TENM1: variants seen among roughly 807,000 people sequenced by gnomAD.
TENM1 encodes the protein teneurin transmembrane protein 1, also known as teneurin-1.
A neutral mutation model predicts 174.8 loss-of-function variants in TENM1; 35 were observed. The observed-to-expected ratio is 0.20, with a 90% CI of 0.15 to 0.27. The LOEUF (loss-of-function observed/expected upper bound fraction) is 0.27, where lower values mean the gene tolerates loss of function less well. TENM1 is among the 10% of genes least tolerant of loss of function. The pLI is 1.00. For synonymous variants in TENM1, 781 were observed against 798.7 expected, an observed-to-expected ratio of 0.98 and a Z score of 0.37; for missense variants, 1,633 against 2,130.1, an observed-to-expected ratio of 0.77 and a Z score of 4.59.
chrX:124,532,748 T>G (rs1394914636), intron 15 of TENM1, among the ~76,000 whole-genome samples: 1 of 112,069 alleles, frequency 8.9e-6, no homozygotes, highest in African/African-American at 3.2e-5. Flanking sequence ...AAACTTATAT[T>G]CTACATTTAT....
chrX:125,150,187 T>C, the TENM1 span, among the ~76,000 whole-genome samples: 1 of 111,942 alleles, frequency 8.9e-6, no homozygotes, highest in East Asian at 2.8e-4. Context: ...ACTTTTCACA[T>C]TTCATACATG....
intron 3 of TENM1, among the ~76,000 whole-genome samples, chrX:124,827,647 T>C (rs934319386): frequency 6.3e-5 from 7 of 111,523 alleles, no homozygotes; most frequent in Admixed American, 1.9e-4. Flanking sequence ...TTTTTTTATA[T>C]GGAGGAAGCC....
At chrX:124,909,725 C>T (rs754669449) in intron 1 of TENM1, among the ~76,000 whole-genome samples, 134 of 112,129 alleles carry the variant, frequency 1.2e-3, no homozygotes, top group African/African-American at 3.7e-3. Context: ...TGTCTGCAGG[C>T]GGACAAATAA....
the TENM1 span, among the ~76,000 whole-genome samples, chrX:125,151,760 T>A: frequency 9.0e-6 from 1 of 111,496 alleles, no homozygotes; most frequent in African/African-American, 3.3e-5. Flanking sequence ...TTTTTGATTG[T>A]CACAACTTGG....
At chrX:125,170,594 G>A in the TENM1 span, among the ~76,000 whole-genome samples, 1 of 111,233 alleles carries the variant, frequency 9.0e-6, no homozygotes, top group Non-Finnish European at 1.9e-5. Flanking sequence ...AGTTGAAGAA[G>A]TTGATTCTGA....
intron 11 of TENM1, among the ~76,000 whole-genome samples, chrX:124,571,956 G>GAT (rs1334038569): frequency 9.5e-6 from 1 of 105,290 alleles, no homozygotes; most frequent in East Asian, 2.8e-4. Flanking sequence ...AGGAGAAAAT[G>GAT]ATTTTTTTTT....
the TENM1 span, among the ~76,000 whole-genome samples, chrX:125,021,079 C>T: frequency 9.2e-6 from 1 of 108,408 alleles, no homozygotes; most frequent in Non-Finnish European, 1.9e-5. Context: ...CTGGTTGATG[C>T]TATGAAAATT....
At chrX:124,486,783 T>A (rs1184555366) in intron 21 of TENM1, among the ~76,000 whole-genome samples, 1 of 111,913 alleles carries the variant, frequency 8.9e-6, no homozygotes, top group African/African-American at 3.2e-5. Context: ...AAGAAGGTCA[T>A]CATGGTCACT....
At chrX:124,471,503 T>C (rs1310114816) in intron 22 of TENM1, among the ~76,000 whole-genome samples, 1 of 69,968 alleles carries the variant, frequency 1.4e-5, no homozygotes, top group Non-Finnish European at 2.4e-5. Context: ...TTATATAATA[T>C]ATAATATATA....
At chrX:124,484,483 T>C (rs2046911837) in intron 21 of TENM1, among the ~76,000 whole-genome samples, 1 of 111,981 alleles carries the variant, frequency 8.9e-6, no homozygotes, top group Non-Finnish European at 1.9e-5. Flanking sequence ...GGGAGCTTTA[T>C]CTCGTCTCCA....
At chrX:124,787,511 T>C (rs977638259) in intron 3 of TENM1, among the ~76,000 whole-genome samples, 1 of 111,377 alleles carries the variant, frequency 9.0e-6, no homozygotes, top group South Asian at 3.7e-4. Flanking sequence ...CCATTGCTTA[T>C]GGTATCAGAA....
At chrX:124,924,633 A>T (rs990038688) in intron 1 of TENM1, among the ~76,000 whole-genome samples, 1 of 112,082 alleles carries the variant, frequency 8.9e-6, no homozygotes, top group African/African-American at 3.2e-5. Context: ...ACCAATGAAC[A>T]ATTTCATAGT....
intron 1 of TENM1, among the ~76,000 whole-genome samples, chrX:124,944,467 A>T (rs749239396): frequency 1.8e-5 from 2 of 111,745 alleles, no homozygotes; most frequent in African/African-American, 6.5e-5. Flanking sequence ...CATCTAAAAT[A>T]TACCATTCTC....
At chrX:125,003,754 T>C in the TENM1 span, among the ~76,000 whole-genome samples, 1 of 111,862 alleles carries the variant, frequency 8.9e-6, no homozygotes, top group Non-Finnish European at 1.9e-5. Context: ...GGCATGGGGA[T>C]AGAATATCCT....
At chrX:124,883,111 T>C (rs746681517) in intron 3 of TENM1, among the ~76,000 whole-genome samples, 74 of 112,278 alleles carry the variant, frequency 6.6e-4, no homozygotes, top group Non-Finnish European at 1.3e-3. Flanking sequence ...TTTTGAGGTA[T>C]CATATTTTCT....
At chrX:125,030,516 T>C in the TENM1 span, among the ~76,000 whole-genome samples, 1 of 112,413 alleles carries the variant, frequency 8.9e-6, no homozygotes, top group Non-Finnish European at 1.9e-5. Context: ...TACATGTTCA[T>C]GAAAAATGTT....
At chrX:125,148,401 C>T in the TENM1 span, among the ~76,000 whole-genome samples, 228 of 111,428 alleles carry the variant, frequency 2.0e-3, 2 homozygotes, top group Non-Finnish European at 3.0e-3. Flanking sequence ...TGTAGTGCAA[C>T]TACTTGATCC....
chrX:124,866,883 C>CA (rs199811990), intron 3 of TENM1, among the ~76,000 whole-genome samples: 1,480 of 110,486 alleles, frequency 0.013, 34 homozygotes, highest in African/African-American at 0.046. Context: ...GCTAATAAAT[C>CA]AAAAAAATCT....
At chrX:124,733,178 G>C (rs1452661956) in intron 4 of TENM1, among the ~76,000 whole-genome samples, 1 of 111,933 alleles carries the variant, frequency 8.9e-6, no homozygotes, top group African/African-American at 3.2e-5. Flanking sequence ...AAGAATAGAG[G>C]ACTCAAGAAT....
Sources: allele counts gnomAD v4.1 joint callset (sites outside exome capture counted in the v4.1 genomes callset), GRCh38; gene constraint gnomAD v4.1.1; transcripts MANE v1.5; gene names NCBI Gene and HGNC (gene_info 2026-07-23, HGNC 2026-07-21).